Variants in ACYP2 observed in about 807,000 individuals in gnomAD.
The protein encoded by ACYP2 is acylphosphatase 2.
A neutral mutation model predicts 11.2 loss-of-function variants in ACYP2; 12 were observed. That is an observed-to-expected ratio of 1.08 (90% confidence interval 0.69 to 1.74). The LOEUF (loss-of-function observed/expected upper bound fraction) is 1.74, where lower values mean the gene tolerates loss of function less well. ACYP2 is among the 40% of genes most tolerant of loss of function. The probability of loss-of-function intolerance (pLI) is 0.00; values close to 1 mark genes in which losing one functional copy is unlikely to be tolerated. For synonymous variants in ACYP2, 43 were observed against 32.2 expected (o/e 1.33, Z -1.13); for missense variants, 134 against 101.9 (o/e 1.31, Z -1.35).
intron 4 of ACYP2, chr2:54,085,057 A>G (rs1677878453): frequency 6.6e-6 from 1 of 152,222 alleles, no homozygotes; most frequent in Non-Finnish European, 1.5e-5. Context: ...CAATACAGCA[A>G]GTCCTCAAAT....
chr2:54,117,954 T>C (rs781353006), intron 4 of ACYP2, among the ~76,000 whole-genome samples: 3 of 152,164 alleles, frequency 2.0e-5, no homozygotes, highest in Admixed American at 1.3e-4. Flanking sequence ...CCAGAATCCA[T>C]TGTATCATTC....
intron 6 of ACYP2, among the ~76,000 whole-genome samples, chr2:54,251,049 G>T (rs1330375832): frequency 2.0e-5 from 3 of 152,160 alleles, no homozygotes; most frequent in African/African-American, 7.2e-5. Context: ...TGGATTTGAT[G>T]ATCTATTTGG....
intron 6 of ACYP2, among the ~76,000 whole-genome samples, chr2:54,252,468 A>G (rs1441013827): frequency 5.3e-5 from 8 of 152,100 alleles, no homozygotes; most frequent in Non-Finnish European, 1.2e-4. Context: ...ACAACTTTCT[A>G]AAGTATCTGT....
chr2:53,994,600 G>A (rs765528447), intron 2 of ACYP2, among the ~76,000 whole-genome samples: 1 of 151,460 alleles, frequency 6.6e-6, no homozygotes, highest in East Asian at 1.9e-4. Context: ...AAATTATATC[G>A]TGGAAATGCT....
intron 6 of ACYP2, among the ~76,000 whole-genome samples, chr2:54,208,900 T>C (rs1024241023): frequency 6.6e-6 from 1 of 152,188 alleles, no homozygotes; most frequent in South Asian, 2.1e-4. Context: ...TTGAGGCAAT[T>C]TGTAATAGAA....
chr2:54,092,693 G>A (rs772382572), intron 4 of ACYP2, among the ~76,000 whole-genome samples: 2 of 152,172 alleles, frequency 1.3e-5, no homozygotes, highest in Non-Finnish European at 2.9e-5. Context: ...TCTCCTAATG[G>A]AACCAACCAG....
intron 6 of ACYP2, among the ~76,000 whole-genome samples, chr2:54,294,812 A>G (rs1689453411): frequency 6.6e-6 from 1 of 151,924 alleles, no homozygotes; most frequent in Non-Finnish European, 1.5e-5. Flanking sequence ...GCTACTCTGG[A>G]GGCTGAGGCG....
rs553037876 is a variant in ACYP2, at chr2:54,132,822, G to A, written c.278-2631G>A. The stretch of plus-strand genomic sequence containing the variant: ...TGCAATGGCATGATCTTGGCTCACC[G>A]AAACCTCCGCCTCCCAGGCTCAAGT... On this transcript the variant is annotated intron_variant, in intron 4 of 6. Transcript: ENST00000607452. Among the ~76,000 whole-genome samples, 73 of 148,552 alleles carry A rather than the reference G, an allele frequency of 4.9e-4. No homozygotes were observed. In the South Asian group the frequency reaches 0.012, roughly 24 times the overall value.
Position 54,109,373 on chromosome 2 carries a change from G to T in ACYP2, c.278-26080G>T, listed in dbSNP as rs1439265780. Reference sequence around the variant, plus strand: ...GAAGCTAAGCTATGAGGATGCAAAGGCATAAAAATGACACAGTGGACTTTG... The same window carrying T: ...GAAGCTAAGCTATGAGGATGCAAAGTCATAAAAATGACACAGTGGACTTTG... On this transcript the variant is annotated intron_variant, in intron 4 of 6. Transcript: ENST00000607452. 5.3e-5 allele frequency among the ~76,000 whole-genome samples: 8 copies of T among 152,104 alleles called. No individual in the cohort carries two copies. The East Asian group carries it at 1.5e-3, about 29-fold the overall frequency.
intron 2 of ACYP2, among the ~76,000 whole-genome samples, chr2:54,026,631 C>T (rs868152570): frequency 3.3e-5 from 5 of 152,266 alleles, no homozygotes; most frequent in Non-Finnish European, 5.9e-5. Context: ...CAGCACAATT[C>T]GCAACTGCAA....
intron 4 of ACYP2, among the ~76,000 whole-genome samples, chr2:54,110,877 G>C (rs535221370): frequency 1.3e-5 from 2 of 152,136 alleles, no homozygotes; most frequent in South Asian, 4.2e-4. Context: ...AAAGAGGAAA[G>C]GCTGTGGCTG....
intron 6 of ACYP2, among the ~76,000 whole-genome samples, chr2:54,146,918 C>T (rs938263895): frequency 6.6e-5 from 10 of 151,908 alleles, no homozygotes; most frequent in Admixed American, 6.6e-4. Flanking sequence ...CCTCAGCCTC[C>T]TGAGTAGCAG....
chr2:54,016,254 C>G (rs936903147), intron 2 of ACYP2, among the ~76,000 whole-genome samples: 1 of 152,006 alleles, frequency 6.6e-6, no homozygotes, highest in Non-Finnish European at 1.5e-5. Flanking sequence ...ACATCTGTAG[C>G]CCTCCCAGTG....
At chr2:54,094,052 C>T (rs767280363) in intron 4 of ACYP2, among the ~76,000 whole-genome samples, 8 of 152,204 alleles carry the variant, frequency 5.3e-5, no homozygotes, top group Non-Finnish European at 1.0e-4. Context: ...AGCTGTCCTA[C>T]TTAGGAGAAT....
chr2:54,207,758 G>C (rs1393847893), intron 6 of ACYP2, among the ~76,000 whole-genome samples: 1 of 152,180 alleles, frequency 6.6e-6, no homozygotes, highest in Non-Finnish European at 1.5e-5. Flanking sequence ...CAAAAGCCAT[G>C]AACCATGATT....
At chr2:54,266,394 T>G (rs1463076272) in intron 6 of ACYP2, among the ~76,000 whole-genome samples, 1 of 152,056 alleles carries the variant, frequency 6.6e-6, no homozygotes, top group Non-Finnish European at 1.5e-5. Context: ...TGGAGGAAAT[T>G]AAAATATGGA....
At chr2:53,995,606 G>C (rs1672538825) in intron 2 of ACYP2, among the ~76,000 whole-genome samples, 1 of 151,086 alleles carries the variant, frequency 6.6e-6, no homozygotes, top group Non-Finnish European at 1.5e-5. Flanking sequence ...TGGGTTCCAG[G>C]GATTTCCAGC....
chr2:54,123,365 C>T (rs1290768244), intron 4 of ACYP2: 7 of 398,456 alleles, frequency 1.8e-5, no homozygotes, highest in East Asian at 7.1e-5. Context: ...GGAGGTTGTA[C>T]GGTAAGCAAA....
chr2:54,225,026 G>C (rs1685954042), intron 6 of ACYP2, among the ~76,000 whole-genome samples: 2 of 152,212 alleles, frequency 1.3e-5, no homozygotes, highest in South Asian at 4.1e-4. Context: ...GCAAGATAAG[G>C]AAAGGATTAC....
Sources: allele counts gnomAD v4.1 joint callset (sites outside exome capture counted in the v4.1 genomes callset), GRCh38; gene constraint gnomAD v4.1.1; transcripts MANE v1.5; gene names NCBI Gene and HGNC (gene_info 2026-07-23, HGNC 2026-07-21).